Variants in ADGRV1 observed in about 807,000 individuals in gnomAD.
The protein encoded by ADGRV1 is adhesion G protein-coupled receptor V1, also known as G-protein coupled receptor 98.
In ADGRV1, 359 loss-of-function variants were observed where a neutral mutation model predicts 596.2. The observed-to-expected ratio is 0.60, with a 90% CI of 0.55 to 0.66. ADGRV1 has a LOEUF of 0.66. Ranked by LOEUF, ADGRV1 falls within the 30% of genes least tolerant of loss-of-function variation. The pLI, the probability that ADGRV1 is intolerant of heterozygous loss-of-function variation, is 0.00. For missense variants in ADGRV1, 7,274 were observed against 7,575.6 expected (o/e 0.96, Z 1.48); for synonymous variants, 2,681 against 2,679.2 (o/e 1.00, Z -0.02).
intron 1 of ADGRV1, among the ~76,000 whole-genome samples, chr5:90,590,395 TG>T (rs960532054): frequency 6.6e-5 from 10 of 152,162 alleles, no homozygotes; most frequent in African/African-American, 2.2e-4. Flanking sequence ...TATCTGGACA[TG>T]ACATGTATGG....
In ADGRV1 at chr5:91,164,188, A is replaced by G; in HGVS notation, c.*288A>G. 1 of 427,622 alleles carries G rather than the reference A, an allele frequency of 2.3e-6. No individual in the cohort carries two copies. Among genetic ancestry groups the G allele is most frequent in the Non-Finnish European group, 4.4e-6 (1 of 227,914 alleles). 26.5% of individuals were successfully genotyped at this position (427,622 alleles called of 1,614,324 possible). A position where few individuals can be genotyped will look rare whatever the true frequency, so the allele number is the denominator to read the frequency against. On this transcript the variant is annotated 3_prime_UTR_variant, in exon 90 of 90. Coordinates refer to ENST00000405460, the MANE Select transcript of ADGRV1 (RefSeq NM_032119.4). ...TATATGGCTAACATTGTTTAATGAA[A>G]GTAATAATCAATAAAGCAATAGAAT...
chr5:90,943,188 G>A (rs1001453868), intron 83 of ADGRV1, among the ~76,000 whole-genome samples: 6 of 116,186 alleles, frequency 5.2e-5, no homozygotes, highest in African/African-American at 2.0e-4. Context: ...CAGTGGTGGT[G>A]CCTCTACAAC....
At position 90,791,326 on chromosome 5, in the gene ADGRV1, G is replaced by C. The variant is rs779277485; in HGVS notation, c.14497G>C (p.Val4833Leu). The change falls in exon 70 of 90, where the codon GTG becomes CTG. Residue 4833 changes from valine (V) to leucine (L), a missense_variant. Around this residue, in one of 5 missense-constraint regions of ADGRV1, gnomAD observed 1,874 missense variants for 1,970.2 expected, o/e 0.95. Transcript: ENST00000405460. The stretch of plus-strand genomic sequence containing the variant: ...AGATGGTGCCACATATAAAGTGGAC[G>C]TGGTGCCAATAAAGAATCAGGTTTG... ...VKDGATYKVD[V>L]VPIKNQVFLS... The C allele has an allele frequency of 2.5e-6, 4 of 1,568,752 alleles. No individual in the cohort carries two copies. In the African/African-American group the frequency reaches 5.4e-5, roughly 21 times the overall value.
rs762116905 is a variant in ADGRV1, at chr5:90,716,596, G to A, written c.9314G>A (p.Arg3105Gln). 49 of 1,613,594 alleles carry A rather than the reference G, an allele frequency of 3.0e-5. No individual in the cohort carries two copies. Among genetic ancestry groups the A allele is most frequent in the Non-Finnish European group, 3.4e-5 (40 of 1,179,792 alleles). Residue 3105 changes from arginine (R) to glutamine (Q), a missense_variant, in exon 43 of 90, where the codon CGG becomes CAG. Physicochemically the swap from Arg to Gln is conservative, Grantham distance 43 (BLOSUM62 1). Around this residue, in one of 5 missense-constraint regions of ADGRV1, gnomAD observed 3,643 missense variants for 3,809.2 expected, o/e 0.96. Transcript: ENST00000405460. ...QESVAVLYIV[R>Q]EPAQGLFGTV... ...AGTGTTGCAGTATTGTACATTGTTC[G>A]GGAACCTGCACAAGGATTGTTTGGA...
chr5:90,866,315 A>ATGTGTG (rs149341618), intron 83 of ADGRV1, among the ~76,000 whole-genome samples: 63,392 of 137,864 alleles, frequency 0.46, 14,093 homozygotes, highest in Admixed American at 0.56. Context: ...GTATGTGTAT[A>ATGTGTG]TGTGTGTGTG....
chr5:90,692,528 A>G, intron 31 of ADGRV1, 77 bp from the exon 32 acceptor site: 1 of 1,186,176 alleles, frequency 8.4e-7, no homozygotes, highest in South Asian at 1.6e-5. Context: ...TATATGTTTG[A>G]TTTTTTTCCC....
chr5:90,776,613 G>T (rs1305698385), intron 61 of ADGRV1, 37 bp downstream of exon 61: 2 of 1,603,906 alleles, frequency 1.2e-6, no homozygotes, highest in Non-Finnish European at 1.7e-6. Flanking sequence ...CTATATGGGG[G>T]TTACGAAGTT....
Position 90,644,538 on chromosome 5 carries a change from A to C in ADGRV1, c.2735-168A>C, listed in dbSNP as rs534932345. ...ATTATATACCTACAGAGGGAGGAAC[A>C]GGCTAATATATTTTTATATGTACCT... On this transcript the variant is annotated intron_variant, in intron 14 of 89. Transcript: ENST00000405460. Among the ~76,000 whole-genome samples the C allele has an allele frequency of 3.9e-5, 6 of 152,366 alleles. No homozygotes were observed. In the East Asian group the frequency reaches 1.2e-3, roughly 29 times the overall value.
intron 1 of ADGRV1, among the ~76,000 whole-genome samples, chr5:90,561,491 G>A (rs896845629): frequency 1.1e-4 from 17 of 152,236 alleles, no homozygotes; most frequent in Admixed American, 7.2e-4. Flanking sequence ...ACCTCATGCC[G>A]TTTCTTATAT....
chr5:91,059,812 C>T (rs146692021), intron 85 of ADGRV1, among the ~76,000 whole-genome samples: 1,748 of 152,262 alleles, frequency 0.011, 36 homozygotes, highest in African/African-American at 0.041. Context: ...TATCAAATAT[C>T]CCTTGCATAT....
Position 90,674,044 on chromosome 5 carries a change from A to C in ADGRV1, c.4930-10A>C. On this transcript the variant is annotated splice_polypyrimidine_tract_variant and intron_variant, in intron 22 of 89. Coordinates refer to ENST00000405460, the MANE Select transcript of ADGRV1 (RefSeq NM_032119.4). ...CATTGCTTAGTGCCTCTGGATATTT[A>C]TATTTTTAGGTTCTGAATATATATG... is the stretch of plus-strand genomic sequence containing the variant. 6.3e-7 allele frequency: 1 copy of C among 1,592,592 alleles called. No homozygotes were observed. The highest frequency in any genetic ancestry group is 8.6e-7 in the Non-Finnish European group (1 of 1,164,408).
In ADGRV1 at chr5:90,716,616, T is replaced by C; in HGVS notation, c.9334T>C (p.Phe3112Leu). The C allele has an allele frequency of 1.2e-6, 2 of 1,613,836 alleles. No homozygotes were observed. The highest frequency in any genetic ancestry group is 1.7e-6 in the Non-Finnish European group (2 of 1,179,766). ...YIVREPAQGL[F>L]GTVTVQFIVT... is the part of the protein sequence containing the mutation. ...TGTTCGGGAACCTGCACAAGGATTG[T>C]TTGGAACAGTGACAGTTCAGTTCAT... The change falls in exon 43 of 90, where the codon TTT (phenylalanine) becomes CTT (leucine). Residue 3112 changes from phenylalanine to leucine, a missense_variant. Around this residue, in one of 5 missense-constraint regions of ADGRV1, gnomAD observed 3,643 missense variants for 3,809.2 expected, o/e 0.96. Coordinates refer to ENST00000405460, the MANE Select transcript of ADGRV1 (RefSeq NM_032119.4).
intron 83 of ADGRV1, among the ~76,000 whole-genome samples, chr5:90,866,815 G>A (rs1215621499): frequency 6.6e-6 from 1 of 151,934 alleles, no homozygotes; most frequent in Non-Finnish European, 1.5e-5. Context: ...ACAGAAAAAT[G>A]TTTTTATTAT....
intron 87 of ADGRV1, among the ~76,000 whole-genome samples, chr5:91,107,331 G>C (rs935409965): frequency 3.9e-5 from 6 of 152,216 alleles, no homozygotes; most frequent in Admixed American, 6.5e-5. Context: ...CTGGAGGAAA[G>C]ATTTGTTGCC....
chr5:90,720,010 T>C (rs1321177955), intron 43 of ADGRV1, 38 bp from the exon 44 acceptor site: 2 of 1,527,952 alleles, frequency 1.3e-6, no homozygotes, highest in Non-Finnish European at 1.8e-6. Context: ...ACAAAAATAC[T>C]GTATTCTAGT....
At chr5:90,672,201 T>G (rs1772577854) in intron 21 of ADGRV1, among the ~76,000 whole-genome samples, 1 of 152,244 alleles carries the variant, frequency 6.6e-6, no homozygotes, top group African/African-American at 2.4e-5. Context: ...ATTCTACTTA[T>G]CCAGAGAAAG....
rs2438336 is a variant in ADGRV1, at chr5:90,854,411, A to G, written c.17594+210A>G. Among the ~76,000 whole-genome samples, 149,471 of 152,278 alleles carry G rather than the reference A, an allele frequency of 0.98. 73,416 individuals carry two copies. The highest frequency in any genetic ancestry group is 1 in the East Asian group (5,174 of 5,174). ...AGCCCAGCATTTCAATATGTGTGTA[A>G]CACATTATTTACTTCTTCATTTTTA... On this transcript the variant is annotated intron_variant, in intron 81 of 89. Coordinates refer to ENST00000405460, the MANE Select transcript of ADGRV1 (RefSeq NM_032119.4).
intron 84 of ADGRV1, among the ~76,000 whole-genome samples, chr5:90,972,781 CAATT>C (rs1779171546): frequency 6.6e-6 from 1 of 151,972 alleles, no homozygotes; most frequent in South Asian, 2.1e-4. Flanking sequence ...GCTAACATCA[CAATT>C]AAAGAACTAG....
intron 9 of ADGRV1, among the ~76,000 whole-genome samples, chr5:90,633,199 C>CA (rs1765720491): frequency 1.3e-5 from 2 of 151,782 alleles, no homozygotes; most frequent in East Asian, 1.9e-4. Context: ...CCCAGACAGA[C>CA]AAAAAAAGGC....
Sources: allele counts gnomAD v4.1 joint callset (sites outside exome capture counted in the v4.1 genomes callset), GRCh38; gene constraint gnomAD v4.1.1; regional missense constraint gnomAD v4.1.1; transcripts MANE v1.5; gene names NCBI Gene and HGNC (gene_info 2026-07-23, HGNC 2026-07-21).